Variants in ANKRD44 observed in about 807,000 individuals in gnomAD.
ANKRD44 encodes ankyrin repeat domain 44, also known as serine/threonine-protein phosphatase 6 regulatory ankyrin repeat subunit B.
In ANKRD44, 35 loss-of-function variants were observed where a neutral mutation model predicts 116.0. That is an observed-to-expected ratio of 0.30 (90% CI 0.23 to 0.40). The LOEUF (loss-of-function observed/expected upper bound fraction) is 0.40, where lower values mean the gene tolerates loss of function less well. Among genes scored for constraint, ANKRD44 ranks in the 10% least tolerant of loss-of-function variants. ANKRD44 has a pLI of 1.00. For missense variants in ANKRD44, 1,014 were observed against 1,242.6 expected (o/e 0.82, Z 2.77); for synonymous variants, 435 against 461.8 (o/e 0.94, Z 0.74).
chr2:197,169,415 A>C (rs1295422020), intron 2 of ANKRD44, among the ~76,000 whole-genome samples: 1 of 151,812 alleles, frequency 6.6e-6, no homozygotes, highest in Non-Finnish European at 1.5e-5. Flanking sequence ...TACACTGTAA[A>C]CTCCTGATGC....
intron 18 of ANKRD44, among the ~76,000 whole-genome samples, chr2:197,010,382 G>C (rs1252001891): frequency 6.6e-6 from 1 of 151,970 alleles, no homozygotes; most frequent in Non-Finnish European, 1.5e-5. Flanking sequence ...CTCCCTGGGA[G>C]CCCTTTCCTA....
chr2:197,053,988 G>A (rs1484225312), intron 16 of ANKRD44, among the ~76,000 whole-genome samples: 2 of 152,242 alleles, frequency 1.3e-5, no homozygotes, highest in East Asian at 3.9e-4. Context: ...CTAAGGATAA[G>A]TACACATATT....
At position 196,993,637 on chromosome 2, in the gene ANKRD44, C is replaced by A. The variant is rs2075960080; in HGVS notation, c.2869G>T (p.Val957Leu). ...CCTTTGGCCAGCAACTCCTCAACTA[C>A]CACCTTTAAGCCATTGCGCGCAGCG... ...HVAARNGLKVVVEELLAKGAC... is the reference protein window; with the variant it reads ...HVAARNGLKVLVEELLAKGAC... Residue 957 changes from valine (V) to leucine (L), a missense_variant, in exon 27 of 28, where the codon GTA becomes TTA. By Grantham distance (32) the Val-to-Leu change is conservative. Coordinates refer to ENST00000282272, the MANE Select transcript of ANKRD44 (RefSeq NM_001195144.2). 10 of 1,550,840 alleles carry A rather than the reference C, an allele frequency of 6.4e-6. No individual in the cohort carries two copies.
chr2:197,114,170 T>C (rs937899410), intron 8 of ANKRD44, among the ~76,000 whole-genome samples: 1 of 152,228 alleles, frequency 6.6e-6, no homozygotes, highest in Non-Finnish European at 1.5e-5. Context: ...CTGTTGCTAC[T>C]ATTCCTAGAA....
chr2:197,254,364 A>G (rs916900889), intron 1 of ANKRD44, among the ~76,000 whole-genome samples: 6 of 152,242 alleles, frequency 3.9e-5, no homozygotes, highest in African/African-American at 1.4e-4. Context: ...AGCCTGAGCA[A>G]TAGAGCAAGG....
rs1029078707 is a variant in ANKRD44, at chr2:197,166,703, G to A, written c.112-19598C>T. Among the ~76,000 whole-genome samples the A allele has an allele frequency of 2.0e-5, 3 of 152,124 alleles. No individual in the cohort carries two copies. In the South Asian group the frequency reaches 6.2e-4, roughly 32 times the overall value. On this transcript the variant is annotated intron_variant, in intron 2 of 27. Transcript: ENST00000282272. ...CCCATTTTACAGATGAGGAAATAGA[G>A]GCACGGAGAGATTAATTACCTAACC...
chr2:197,099,523 T>C (rs1325796742), intron 10 of ANKRD44: 2 of 1,097,808 alleles, frequency 1.8e-6, no homozygotes, highest in African/African-American at 1.7e-5. Flanking sequence ...ATATGAAGCA[T>C]TGGGAAGGAC....
chr2:197,046,641 C>CA (rs11381131), intron 16 of ANKRD44, among the ~76,000 whole-genome samples: 141,032 of 145,750 alleles, frequency 0.97, 68,231 homozygotes, highest in South Asian at 0.99. Flanking sequence ...GCGAGACTGG[C>CA]AAAAAAAAAA....
At chr2:197,230,106 T>C (rs2081822367) in intron 1 of ANKRD44, among the ~76,000 whole-genome samples, 1 of 151,968 alleles carries the variant, frequency 6.6e-6, no homozygotes, top group African/African-American at 2.4e-5. Flanking sequence ...AACACGAGCT[T>C]TTTTCAGGGA....
chr2:197,122,092 C>A (rs760769792), intron 7 of ANKRD44, among the ~76,000 whole-genome samples: 1 of 152,114 alleles, frequency 6.6e-6, no homozygotes, highest in Non-Finnish European at 1.5e-5. Context: ...TGTGTTTCGT[C>A]CACGGCTCCC....
chr2:197,007,280 AAAATG>A (rs1317541280), intron 20 of ANKRD44, among the ~76,000 whole-genome samples: 2 of 152,220 alleles, frequency 1.3e-5, no homozygotes, highest in East Asian at 3.8e-4. Context: ...GATGCAGAAA[AAAATG>A]AAATGAAAAA....
intron 16 of ANKRD44, among the ~76,000 whole-genome samples, chr2:197,026,811 G>C (rs1292210680): frequency 6.6e-6 from 1 of 152,126 alleles, no homozygotes; most frequent in East Asian, 1.9e-4. Flanking sequence ...CCAGCAAGAA[G>C]CAGTGGAGAT....
intron 3 of ANKRD44, among the ~76,000 whole-genome samples, chr2:197,146,259 T>C (rs978305117): frequency 1.3e-5 from 2 of 152,214 alleles, no homozygotes; most frequent in African/African-American, 2.4e-5. Context: ...GTAGTTCTTT[T>C]ATAGCCTTCC....
At chr2:197,191,924 C>T (rs970454175) in intron 1 of ANKRD44, among the ~76,000 whole-genome samples, 1 of 152,150 alleles carries the variant, frequency 6.6e-6, no homozygotes, top group Non-Finnish European at 1.5e-5. Flanking sequence ...TTTTCATCAT[C>T]TGTGAAATCC....
Position 196,991,425 on chromosome 2 carries a change from G to A in ANKRD44, c.2924-1776C>T, listed in dbSNP as rs2075913965. 2.0e-5 allele frequency among the ~76,000 whole-genome samples: 3 copies of A among 152,112 alleles called. No individual in the cohort carries two copies. In the South Asian group the frequency reaches 6.2e-4, roughly 32 times the overall value. ...AAAAGATATTGAAAATTAGATGACT[G>A]CAAAAGTGAGTAATGAAGTTTTGTC... is the stretch of plus-strand genomic sequence containing the variant. On this transcript the variant is annotated intron_variant, in intron 27 of 27. Transcript: ENST00000282272.
At chr2:197,144,915 T>C (rs1346211151) in intron 3 of ANKRD44, among the ~76,000 whole-genome samples, 1 of 152,194 alleles carries the variant, frequency 6.6e-6, no homozygotes, top group Non-Finnish European at 1.5e-5. Context: ...CAACACAAAG[T>C]TGGCATATAA....
intron 27 of ANKRD44, chr2:196,990,015 A>G (rs535599017): frequency 1.9e-6 from 2 of 1,052,700 alleles, no homozygotes; most frequent in South Asian, 6.4e-5. Context: ...AATTAGTCAC[A>G]GGCTTGTTAT....
rs989483250 is a variant in ANKRD44, at chr2:197,078,798, G to A, written c.1555C>T (p.Leu519Phe). 4 of 1,612,972 alleles carry A rather than the reference G, an allele frequency of 2.5e-6. No homozygotes were observed. The highest frequency in any genetic ancestry group is 2.5e-6 in the Non-Finnish European group (3 of 1,179,240). The change falls in exon 16 of 28, where the codon CTT (leucine) becomes TTT (phenylalanine). Residue 519 changes from leucine (L) to phenylalanine (F), a missense_variant. Transcript: ENST00000282272. ...KEATLCLEFL[L>F]QNDANPSIRD... ...ATAGATGGATTTGCATCATTTTGAA[G>A]CAGAAACTCTAGACATCTGTAAGTA...
chr2:197,299,806 A>G (rs1896857), intron 1 of ANKRD44, among the ~76,000 whole-genome samples: 53,785 of 152,022 alleles, frequency 0.35, 9,733 homozygotes, highest in East Asian at 0.48. Context: ...AACACCACCC[A>G]TTCCCCAAAA....
Sources: gnomAD v4.1 joint callset for allele counts (sites outside exome capture counted in the v4.1 genomes callset) on GRCh38, gnomAD v4.1.1 for gene constraint, MANE v1.5 for transcripts, NCBI Gene and HGNC (gene_info 2026-07-23, HGNC 2026-07-21) for gene names.